PLCG1: variants seen among roughly 807,000 people sequenced by gnomAD.
The protein encoded by PLCG1 is phospholipase C gamma 1, also known as 1-phosphatidylinositol 4,5-bisphosphate phosphodiesterase gamma-1.
Under a neutral mutation model 177.8 loss-of-function variants are expected in PLCG1, and 71 were observed. The ratio of observed to expected loss-of-function variants is 0.40; its 90% CI spans 0.33 to 0.49. The LOEUF is 0.49. Among genes scored for constraint, PLCG1 ranks in the 20% least tolerant of loss-of-function variants. The pLI is 0.72. For missense variants in PLCG1, 1,281 were observed against 1,709.0 expected (o/e 0.75, Z 4.42); for synonymous variants, 658 against 647.9 (o/e 1.02, Z -0.24).
intron 1 of PLCG1, chr20:41,138,129 G>T (rs868533850): frequency 9.9e-6 from 3 of 302,354 alleles, no homozygotes; most frequent in Non-Finnish European, 1.8e-5. Context: ...AATCCTCGCG[G>T]GCTGGAGACC....
intron 1 of PLCG1, among the ~76,000 whole-genome samples, chr20:41,143,274 A>G (rs1036151384): frequency 1.3e-5 from 2 of 152,228 alleles, no homozygotes; most frequent in African/African-American, 2.4e-5. Context: ...AACTCACAGC[A>G]TCTCTTCTTA....
At position 41,160,884 on chromosome 20, in the gene PLCG1, A is replaced by G. The variant is rs1222442336; in HGVS notation, c.512+731A>G. On this transcript the variant is annotated intron_variant, in intron 4 of 31. Transcript: ENST00000685551. The surrounding 1 kb of genome is among the most constrained non-coding windows in gnomAD (Gnocchi z 5.5). The stretch of plus-strand genomic sequence containing the variant: ...GAAAACAGAGTCACCATTGACTGAG[A>G]TGAGAAGATCATGGGACTAGCCCAT... Among the ~76,000 whole-genome samples, 1 of 152,164 alleles carries G rather than the reference A, an allele frequency of 6.6e-6. No homozygotes were observed. The highest frequency in any genetic ancestry group is 1.5e-5 in the Non-Finnish European group (1 of 68,026).
intron 1 of PLCG1, chr20:41,138,079 C>T (rs1033209142): frequency 2.1e-5 from 8 of 377,082 alleles, no homozygotes; most frequent in Non-Finnish European, 3.8e-5. Flanking sequence ...CCTCCCCCAG[C>T]TGGGGGGAGT....
rs1263594284 is a variant in PLCG1, at chr20:41,165,247, C to T, written c.1389C>T (p.His463=). 1 of 1,614,048 alleles carries T rather than the reference C, an allele frequency of 6.2e-7. No homozygotes were observed. Among genetic ancestry groups the T allele is most frequent in the Non-Finnish European group, 8.5e-7 (1 of 1,179,970 alleles). Residue 463 remains histidine, a splice_region_variant and synonymous_variant, in exon 14 of 32, where the codon CAC becomes CAT. Coordinates refer to ENST00000685551, the MANE Select transcript of PLCG1 (RefSeq NM_002660.3). This position sits in a 1 kb window ranked among gnomAD's most constrained non-coding sequence, Gnocchi z 6.6. The part of the protein sequence containing the change: ...NQLKRKILIK[H]KKLAEGSAYE... ...CCCTGTTCTGGTTGCCCCTACAGCA[C>T]AAGAAGCTGGCTGAGGGCAGTGCCT...
At position 41,156,340 on chromosome 20, in the gene PLCG1, T is replaced by C. The variant is rs994236286; in HGVS notation, c.218-3266T>C. Among the ~76,000 whole-genome samples, 1 of 152,156 alleles carries C rather than the reference T, an allele frequency of 6.6e-6. No homozygotes were observed. Among genetic ancestry groups the C allele is most frequent in the Non-Finnish European group, 1.5e-5 (1 of 68,012 alleles). ...CTGTGGGCTTGGGGACATGGTGCCA[T>C]TCCTGAAGCCTGGGCAGCCATCACC... On this transcript the variant is annotated intron_variant, in intron 1 of 31. Coordinates refer to ENST00000685551, the MANE Select transcript of PLCG1 (RefSeq NM_002660.3). This position sits in a 1 kb window ranked among gnomAD's most constrained non-coding sequence, Gnocchi z 5.0.
chr20:41,173,034 G>C lies in PLCG1; in HGVS notation c.3279+157G>C, dbSNP rs567714827. ...GTCTTTGAAGGGGTGAAGATAGCATGCAGTCACTGTATGCATCTAGGACGT... is the reference window on the plus strand; with the variant it reads ...GTCTTTGAAGGGGTGAAGATAGCATCCAGTCACTGTATGCATCTAGGACGT... On this transcript the variant is annotated intron_variant, in intron 27 of 31. Transcript: ENST00000685551. This position sits in a 1 kb window ranked among gnomAD's most constrained non-coding sequence, Gnocchi z 6.2. Among the ~76,000 whole-genome samples, 2 of 152,324 alleles carry C rather than the reference G, an allele frequency of 1.3e-5. No homozygotes were observed. Among genetic ancestry groups the C allele is most frequent in the Non-Finnish European group, 2.9e-5 (2 of 68,038 alleles).
chr20:41,154,570 A>T (rs747618674), intron 1 of PLCG1, among the ~76,000 whole-genome samples: 5 of 151,474 alleles, frequency 3.3e-5, no homozygotes, highest in Non-Finnish European at 7.4e-5. Flanking sequence ...ACTTTACTGG[A>T]CAGGAAGAGA....
intron 23 of PLCG1, 151 bp from the exon 24 acceptor site, chr20:41,169,961 T>C (rs1032305968): frequency 1.4e-6 from 1 of 701,818 alleles, no homozygotes; most frequent in Non-Finnish European, 2.4e-6. Flanking sequence ...ATCTGTCAAA[T>C]GGGCCAGCAG....
Position 41,163,565 on chromosome 20 carries a change from C to A in PLCG1, c.891+86C>A. ...ACCCGGGCTCCAGGAGCTAGACGCT[C>A]CTTAGGGATGCCACCTTGTTTCTAC... On this transcript the variant is annotated intron_variant, in intron 9 of 31. Transcript: ENST00000685551. This position sits in a 1 kb window ranked among gnomAD's most constrained non-coding sequence, Gnocchi z 5.2. The A allele has an allele frequency of 8.9e-7, 1 of 1,126,554 alleles. No homozygotes were observed. The highest frequency in any genetic ancestry group is 1.2e-5 in the South Asian group (1 of 81,002). 69.8% of individuals were successfully genotyped at this position (1,126,554 alleles called of 1,614,324 possible). A position where few individuals can be genotyped will look rare whatever the true frequency, so the allele number is the denominator to read the frequency against.
At position 41,165,586 on chromosome 20, in the gene PLCG1, G is replaced by C; in HGVS notation, c.1611+35G>C. On this transcript the variant is annotated intron_variant, in intron 15 of 31. Transcript: ENST00000685551. The surrounding 1 kb of genome is among the most constrained non-coding windows in gnomAD (Gnocchi z 6.6). ...CAGCTCAGGTCTGGGGGCTGGGCCA[G>C]GTCAGGCCTGGGCCAGGGTCACAGT... 6.2e-7 allele frequency: 1 copy of C among 1,612,086 alleles called. No individual in the cohort carries two copies. The highest frequency in any genetic ancestry group is 2.2e-5 in the East Asian group (1 of 44,868).
chr20:41,169,260 A>G, intron 22 of PLCG1, 85 bp downstream of exon 22: 1 of 1,058,150 alleles, frequency 9.5e-7, no homozygotes, highest in Non-Finnish European at 1.5e-6. Flanking sequence ...CCAAGCACGC[A>G]CGTGCATGCA....
chr20:41,144,816 TC>T lies in PLCG1; in HGVS notation c.217+6959del, dbSNP rs2146001736. On this transcript the variant is annotated intron_variant, in intron 1 of 31. Coordinates refer to ENST00000685551, the MANE Select transcript of PLCG1 (RefSeq NM_002660.3). This position sits in a 1 kb window ranked among gnomAD's most constrained non-coding sequence, Gnocchi z 4.1. ...CTGACTTGTTCATGGTGGCAGTAGA[TC>T]TCTAGCGTGGTTTGTGTTCCATCTC... Among the ~76,000 whole-genome samples, 1 of 152,224 alleles carries T rather than the reference TC, an allele frequency of 6.6e-6. No individual in the cohort carries two copies. The highest frequency in any genetic ancestry group is 2.1e-4 in the South Asian group (1 of 4,816).
rs994632783 is a variant in PLCG1 at position 41,169,508 on chromosome 20, G to A, written c.2632G>A (p.Val878Met). ...GGACTTGCTGCGGGGGGTCTTGGAT[G>A]TGCCGGCTTGTCAGATTGGTGAGCT... Reference protein sequence around the residue: ...LGDLLRGVLDVPACQIAIRPE... With the variant: ...LGDLLRGVLDMPACQIAIRPE... Residue 878 changes from valine (V) to methionine (M), a missense_variant, in exon 23 of 32, where the codon GTG becomes ATG. Physicochemically the swap from Val to Met is conservative, Grantham distance 21. Coordinates refer to ENST00000685551, the MANE Select transcript of PLCG1 (RefSeq NM_002660.3). The A allele has an allele frequency of 1.9e-6, 3 of 1,613,506 alleles. No individual in the cohort carries two copies. The highest frequency in any genetic ancestry group is 1.3e-5 in the African/African-American group (1 of 75,032).
chr20:41,161,756 C>G (rs912317270), intron 4 of PLCG1, among the ~76,000 whole-genome samples: 1 of 151,372 alleles, frequency 6.6e-6, no homozygotes, highest in African/African-American at 2.4e-5. Flanking sequence ...GAGAGAAAGC[C>G]CCCCCCTTCC....
Position 41,173,436 on chromosome 20 carries a change from A to C in PLCG1, c.3296A>C (p.His1099Pro). 1.9e-6 allele frequency: 3 copies of C among 1,606,648 alleles called. No homozygotes were observed. Among genetic ancestry groups the C allele is most frequent in the Non-Finnish European group, 2.6e-6 (3 of 1,175,440 alleles). ...TGCCTACAGGTGCTGGGGGCCCGAC[A>C]TCTGCCAAAGAATGGCCGAGGCATT... The part of the protein sequence containing the change: ...AISIEVLGAR[H>P]LPKNGRGIVC... Residue 1099 changes from histidine (H) to proline (P), a missense_variant, in exon 28 of 32, where the codon CAT (histidine) becomes CCT (proline). Coordinates refer to ENST00000685551, the MANE Select transcript of PLCG1 (RefSeq NM_002660.3). The surrounding 1 kb of genome is among the most constrained non-coding windows in gnomAD (Gnocchi z 6.2).
chr20:41,166,042 GTTCATGTGACTGC>G lies in PLCG1; in HGVS notation c.1800-151_1800-139del. On this transcript the variant is annotated intron_variant, in intron 16 of 31. Coordinates refer to ENST00000685551, the MANE Select transcript of PLCG1 (RefSeq NM_002660.3). This position sits in a 1 kb window ranked among gnomAD's most constrained non-coding sequence, Gnocchi z 8.6. ...GGTTCATTTGAAGCCCACACCTTTGGTTCATGTGACTGCCCACACCTGAGCTCCTCAGGAGATT... is the reference window on the plus strand; with the variant it reads ...GGTTCATTTGAAGCCCACACCTTTGGCCACACCTGAGCTCCTCAGGAGATT... 2.2e-5 allele frequency: 16 copies of G among 716,892 alleles called. No individual in the cohort carries two copies. Among genetic ancestry groups the G allele is most frequent in the Admixed American group, 2.8e-5 (1 of 35,814 alleles). The allele number at this position is 716,892 out of a possible 1,614,324, so 44.4% of individuals were successfully genotyped here. A position where few individuals can be genotyped will look rare whatever the true frequency, so the allele number is the denominator to read the frequency against.
In PLCG1 at chr20:41,167,460, G is replaced by A. The variant is rs2146048773; in HGVS notation, c.2302-392G>A. 6.6e-6 allele frequency among the ~76,000 whole-genome samples: 1 copy of A among 152,262 alleles called. No homozygotes were observed. Among genetic ancestry groups the A allele is most frequent in the Admixed American group, 6.5e-5 (1 of 15,304 alleles). On this transcript the variant is annotated intron_variant, in intron 19 of 31. Coordinates refer to ENST00000685551, the MANE Select transcript of PLCG1 (RefSeq NM_002660.3). This position sits in a 1 kb window ranked among gnomAD's most constrained non-coding sequence, Gnocchi z 4.4. ...GGGACTCAAGTGATGGAGAGGAGCG[G>A]CAGGAGGAATGTGGGGAGTGGGAAG...
chr20:41,160,038 T>G lies in PLCG1; in HGVS notation c.465-68T>G. 2 of 1,600,536 alleles carry G rather than the reference T, an allele frequency of 1.2e-6. No individual in the cohort carries two copies. The highest frequency in any genetic ancestry group is 1.7e-6 in the Non-Finnish European group (2 of 1,167,596). On this transcript the variant is annotated intron_variant, in intron 3 of 31. Coordinates refer to ENST00000685551, the MANE Select transcript of PLCG1 (RefSeq NM_002660.3). The surrounding 1 kb of genome is among the most constrained non-coding windows in gnomAD (Gnocchi z 5.5). ...GGGACAGGGACAGCAGACCTTTGTG[T>G]GCCCAGACATCTCCCAGGCCTGACT...
At chr20:41,145,219 G>T (rs2034960547) in intron 1 of PLCG1, among the ~76,000 whole-genome samples, 1 of 152,128 alleles carries the variant, frequency 6.6e-6, no homozygotes, top group Admixed American at 6.5e-5. Context: ...ACCGTCCCTG[G>T]AGAGTGGCCT....
Sources: allele counts gnomAD v4.1 joint callset (sites outside exome capture counted in the v4.1 genomes callset), GRCh38; gene constraint gnomAD v4.1.1; non-coding constraint Gnocchi (gnomAD v3.1); transcripts MANE v1.5; gene names NCBI Gene and HGNC (gene_info 2026-07-23, HGNC 2026-07-21).